The following CENPC variants were observed in gnomAD, a reference collection of about 807,000 sequenced individuals.
The protein encoded by CENPC is centromere protein C.
Under a neutral mutation model 112.1 loss-of-function variants are expected in CENPC, and 63 were observed. The ratio of observed to expected loss-of-function variants is 0.56; its 90% confidence interval spans 0.46 to 0.69. The LOEUF is 0.69. Ranked by LOEUF, CENPC falls within the 30% of genes least tolerant of loss-of-function variation. CENPC has a pLI of 0.00. For missense variants in CENPC, 1,000 were observed against 1,103.8 expected (o/e 0.91, Z 1.33); for synonymous variants, 333 against 367.6 (o/e 0.91, Z 1.08).
intron 17 of CENPC, among the ~76,000 whole-genome samples, chr4:67,486,995 G>C (rs1309975484): frequency 1.1e-5 from 1 of 88,466 alleles, no homozygotes; most frequent in African/African-American, 4.3e-5. Context: ...TCTTTTTTAA[G>C]GCATGGGGTT....
At position 67,492,972 on chromosome 4, in the gene CENPC, T is replaced by C. The variant is rs1297395476; in HGVS notation, c.2316A>G (p.Leu772=). The C allele has an allele frequency of 6.5e-6, 10 of 1,542,714 alleles. No individual in the cohort carries two copies. The highest frequency in any genetic ancestry group is 7.9e-6 in the Non-Finnish European group (9 of 1,145,254). ...PSGGFVISGV[L]SPDTISSKRK... is the part of the protein sequence containing the mutation. ...TTTTAGACGATATTGTGTCTGGAGA[T>C]AGTACTCCACTAATCACGAATCCTC... Residue 772 remains leucine (L), a synonymous_variant, in exon 15 of 19, where the codon CTA becomes CTG. Coordinates refer to ENST00000273853, the MANE Select transcript of CENPC (RefSeq NM_001812.4).
intron 5 of CENPC, among the ~76,000 whole-genome samples, chr4:67,523,104 G>A (rs1726274793): frequency 6.6e-6 from 1 of 152,064 alleles, no homozygotes; most frequent in Non-Finnish European, 1.5e-5. Context: ...TTGAGGTCAG[G>A]ACTTTAAGAC....
chr4:67,500,974 A>G (rs1384983678), intron 12 of CENPC, among the ~76,000 whole-genome samples: 1 of 152,164 alleles, frequency 6.6e-6, no homozygotes, highest in Non-Finnish European at 1.5e-5. Flanking sequence ...TTTACAGTAG[A>G]GAAACCTGGC....
intron 2 of CENPC, among the ~76,000 whole-genome samples, chr4:67,542,405 A>G (rs1372050255): frequency 1.3e-5 from 2 of 152,236 alleles, no homozygotes; most frequent in Non-Finnish European, 2.9e-5. Context: ...CTATATATGC[A>G]GTAATTAAAA....
Position 67,470,874 on chromosome 4 carries a change from C to T in CENPC, c.*1731G>A, listed in dbSNP as rs1348837329. 2 of 152,210 alleles carry T rather than the reference C, an allele frequency of 1.3e-5. No homozygotes were observed. Among genetic ancestry groups the T allele is most frequent in the African/African-American group, 4.8e-5 (2 of 41,428 alleles). 9.4% of individuals were successfully genotyped at this position (152,210 alleles called of 1,614,324 possible). A position where few individuals can be genotyped will look rare whatever the true frequency, so the allele number is the denominator to read the frequency against. On this transcript the variant is annotated 3_prime_UTR_variant, in exon 19 of 19. Transcript: ENST00000273853. ...TAGTTGCTAACCAAAGGTTACAGTC[C>T]TAGTTCTTGAAGAGCAACAGAGCAG...
chr4:67,541,134 T>C (rs1280182845), intron 2 of CENPC, 84 bp from the exon 3 acceptor site: 2 of 821,254 alleles, frequency 2.4e-6, no homozygotes, highest in Admixed American at 2.8e-5. Flanking sequence ...CATCTCATTA[T>C]AAAATATAAA....
chr4:67,491,476 TATATAGAGAGAG>T (rs1227380465), intron 16 of CENPC, among the ~76,000 whole-genome samples: 166 of 28,494 alleles, frequency 5.8e-3, no homozygotes, highest in Non-Finnish European at 8.1e-3. Flanking sequence ...TATATATATA[TATATAGAGAGAG>T]AGAGAGAGAG....
At position 67,519,311 on chromosome 4, in the gene CENPC, G is replaced by T; in HGVS notation, c.523C>A (p.Pro175Thr). The T allele has an allele frequency of 1.2e-6, 2 of 1,612,432 alleles. No homozygotes were observed. The highest frequency in any genetic ancestry group is 1.7e-6 in the Non-Finnish European group (2 of 1,179,188). Residue 175 changes from proline (P) to threonine (T), a missense_variant, in exon 6 of 19, where the codon CCA becomes ACA. Physicochemically the swap from Pro to Thr is conservative, Grantham distance 38. Coordinates refer to ENST00000273853, the MANE Select transcript of CENPC (RefSeq NM_001812.4). ...AKTSVSQNVI[P>T]SSAQKRETYT... ...GTCTCTCTCTTTTGGGCACTAGATG[G>T]AATAACATTTTGTGATACAGATGTT...
chr4:67,517,663 T>C (rs1180064862), intron 7 of CENPC, among the ~76,000 whole-genome samples: 7 of 151,422 alleles, frequency 4.6e-5, no homozygotes, highest in Non-Finnish European at 7.4e-5. Flanking sequence ...CATGGGGATA[T>C]CCCATCTCTA....
intron 2 of CENPC, among the ~76,000 whole-genome samples, chr4:67,541,442 T>G (rs1379998571): frequency 6.6e-6 from 1 of 152,178 alleles, no homozygotes; most frequent in Non-Finnish European, 1.5e-5. Context: ...TCAAATGCAT[T>G]TCTAATTCAG....
At chr4:67,525,891 A>G (rs573229255) in intron 5 of CENPC, among the ~76,000 whole-genome samples, 10 of 152,338 alleles carry the variant, frequency 6.6e-5, no homozygotes, top group Non-Finnish European at 4.4e-5. Context: ...CTGCAGCACT[A>G]TTTACAATAG....
At chr4:67,478,086 T>A (rs552329385) in intron 17 of CENPC, among the ~76,000 whole-genome samples, 185 of 152,178 alleles carry the variant, frequency 1.2e-3, no homozygotes, top group African/African-American at 4.3e-3. Context: ...TAATTGGTGT[T>A]CCTGAGGAAG....
intron 17 of CENPC, among the ~76,000 whole-genome samples, chr4:67,488,615 C>T (rs1393801778): frequency 6.6e-6 from 1 of 151,954 alleles, no homozygotes; most frequent in Non-Finnish European, 1.5e-5. Context: ...ACATCTGTTA[C>T]TCAAATTTCC....
rs1056789 is a variant in CENPC at position 67,508,879 on chromosome 4, C to G, written c.1839G>C (p.Ser613=). The G allele has an allele frequency of 2.2e-5, 36 of 1,613,294 alleles. No homozygotes were observed. In the South Asian group the frequency reaches 3.7e-4, roughly 17 times the overall value. ...CATCACTTTCCAATGGCTCACTCAG[C>G]GAACATCTGGAAATTTCATCATGAC... ...IVGHDEISRC[S]LSEPLESDEA... The change falls in exon 10 of 19, where the codon TCG becomes TCC. Residue 613 remains serine, a synonymous_variant. Coordinates refer to ENST00000273853, the MANE Select transcript of CENPC (RefSeq NM_001812.4).
At chr4:67,517,313 C>G (rs1351145809) in intron 7 of CENPC, among the ~76,000 whole-genome samples, 1 of 151,626 alleles carries the variant, frequency 6.6e-6, no homozygotes, top group African/African-American at 2.4e-5. Context: ...AGGCATGTGC[C>G]ACCAAGCCCG....
rs775900698 is a variant in CENPC at position 67,544,165 on chromosome 4, ATCT to A, written c.46_48del (p.Arg16del). 8 of 1,561,818 alleles carry A rather than the reference ATCT, an allele frequency of 5.1e-6. No individual in the cohort carries two copies. Among genetic ancestry groups the A allele is most frequent in the Admixed American group, 1.7e-5 (1 of 59,566 alleles). On this transcript the variant is annotated inframe_deletion, in exon 2 of 19. Coordinates refer to ENST00000273853, the MANE Select transcript of CENPC (RefSeq NM_001812.4). Reference sequence around the variant, plus strand: ...GTAAATCACCTGGAAGGTCGACAAAATCTTCTTCTGTAGCCATTTTTGAGATGA... The same window carrying A: ...GTAAATCACCTGGAAGGTCGACAAAATCTTCTGTAGCCATTTTTGAGATGA...
At chr4:67,480,506 A>C (rs9999932) in intron 17 of CENPC, among the ~76,000 whole-genome samples, 27 of 151,752 alleles carry the variant, frequency 1.8e-4, no homozygotes, top group Non-Finnish European at 3.4e-4. Context: ...AAGATTGAAA[A>C]GGTAATAAAA....
At chr4:67,487,904 G>A (rs1725135294) in intron 17 of CENPC, among the ~76,000 whole-genome samples, 1 of 151,264 alleles carries the variant, frequency 6.6e-6, no homozygotes, top group Non-Finnish European at 1.5e-5. Flanking sequence ...ATCTTGTCCT[G>A]TTTATTATCT....
At chr4:67,474,009 G>T (rs1234955069) in intron 18 of CENPC, among the ~76,000 whole-genome samples, 1 of 152,090 alleles carries the variant, frequency 6.6e-6, no homozygotes, top group Non-Finnish European at 1.5e-5. Flanking sequence ...AGATAACATG[G>T]GGTAAATAAT....
Sources: allele counts gnomAD v4.1 joint callset (sites outside exome capture counted in the v4.1 genomes callset), GRCh38; gene constraint gnomAD v4.1.1; transcripts MANE v1.5; gene names NCBI Gene and HGNC (gene_info 2026-07-23, HGNC 2026-07-21).